The following RAP2A variants were observed in gnomAD, a reference collection of about 807,000 sequenced individuals.
The protein encoded by RAP2A is ras-related protein Rap-2a.
In RAP2A, 5 loss-of-function variants were observed where a neutral mutation model predicts 15.1. That is an observed-to-expected ratio of 0.33 (90% CI 0.17 to 0.70). The LOEUF (loss-of-function observed/expected upper bound fraction) is 0.70. Among genes scored for constraint, RAP2A ranks in the 30% least tolerant of loss-of-function variants. The pLI, the probability that RAP2A is intolerant of heterozygous loss-of-function variation, is 0.68. For missense variants in RAP2A, 111 were observed against 240.3 expected, an observed-to-expected ratio of 0.46 and a Z score of 3.56; for synonymous variants, 110 against 99.7, an observed-to-expected ratio of 1.10 and a Z score of -0.62.
intron 1 of RAP2A, among the ~76,000 whole-genome samples, chr13:97,440,698 T>G (rs985041766): frequency 2.0e-5 from 3 of 152,184 alleles, no homozygotes; most frequent in African/African-American, 7.2e-5. Flanking sequence ...ATTTAATGTG[T>G]ACAACTCAGT....
At chr13:97,444,826 T>C (rs550199693) in intron 1 of RAP2A, among the ~76,000 whole-genome samples, 1 of 152,314 alleles carries the variant, frequency 6.6e-6, no homozygotes, top group South Asian at 2.1e-4. Context: ...ATGACAACAA[T>C]TGTATATTTA....
At chr13:97,447,859 C>A (rs1025227072) in intron 1 of RAP2A, among the ~76,000 whole-genome samples, 1 of 152,176 alleles carries the variant, frequency 6.6e-6, no homozygotes, top group Non-Finnish European at 1.5e-5. Context: ...ATAAAACATT[C>A]ATTGCCCTTG....
chr13:97,468,629 A>G lies in RAP2A; in HGVS notation c.*4187A>G, dbSNP rs2066782764. ...GAGAAGCTTCATTGTTTTAGATTAT[A>G]AGAATAATTTGAATGAATATAACAG... On this transcript the variant is annotated 3_prime_UTR_variant, in exon 2 of 2. Transcript: ENST00000245304. 1 of 152,254 alleles carries G rather than the reference A, an allele frequency of 6.6e-6. No homozygotes were observed. The highest frequency in any genetic ancestry group is 1.5e-5 in the Non-Finnish European group (1 of 68,050). The allele number at this position is 152,254 out of a possible 1,614,324, so 9.4% of individuals were successfully genotyped here. A position where few individuals can be genotyped will look rare whatever the true frequency, so the allele number is the denominator to read the frequency against.
intron 1 of RAP2A, among the ~76,000 whole-genome samples, chr13:97,449,645 C>A (rs982578389): frequency 2.0e-5 from 3 of 152,184 alleles, no homozygotes; most frequent in Admixed American, 6.5e-5. Context: ...ACTCTTCATT[C>A]TCCATTGGCT....
chr13:97,455,093 C>A (rs1181044421), intron 1 of RAP2A, among the ~76,000 whole-genome samples: 2 of 151,202 alleles, frequency 1.3e-5, no homozygotes, highest in African/African-American at 4.9e-5. Flanking sequence ...TGACATAGTT[C>A]TGCTCATTTA....
intron 1 of RAP2A, among the ~76,000 whole-genome samples, chr13:97,449,965 GTT>G (rs897670375): frequency 6.9e-6 from 1 of 144,310 alleles, no homozygotes. Context: ...AGTGTTTGGG[GTT>G]TTTTTTTTTT....
intron 1 of RAP2A, among the ~76,000 whole-genome samples, chr13:97,460,714 T>G (rs1024878120): frequency 6.6e-6 from 1 of 152,144 alleles, no homozygotes; most frequent in East Asian, 1.9e-4. Flanking sequence ...ATCCAGAGCC[T>G]TCTTAGAATG....
chr13:97,464,625 A>G lies in RAP2A; in HGVS notation c.*183A>G. On this transcript the variant is annotated 3_prime_UTR_variant, in exon 2 of 2. Coordinates refer to ENST00000245304, the MANE Select transcript of RAP2A (RefSeq NM_021033.7). ...TGAGTAACATTTGGGTTCAGTAACT[A>G]CAGTTTTCACCATTTGTCCTCAGTC... 3.2e-6 allele frequency: 2 copies of G among 621,678 alleles called. No homozygotes were observed. The highest frequency in any genetic ancestry group is 2.0e-5 in the South Asian group (1 of 49,602). 38.5% of individuals were successfully genotyped at this position (621,678 alleles called of 1,614,324 possible). A position where few individuals can be genotyped will look rare whatever the true frequency, so the allele number is the denominator to read the frequency against.
chr13:97,438,913 A>T (rs566451136), intron 1 of RAP2A, among the ~76,000 whole-genome samples: 1 of 152,328 alleles, frequency 6.6e-6, no homozygotes, highest in African/African-American at 2.4e-5. Context: ...CAGTTTCCCT[A>T]AACATTTTGA....
intron 1 of RAP2A, among the ~76,000 whole-genome samples, chr13:97,435,687 A>C (rs2066631162): frequency 6.6e-6 from 1 of 152,142 alleles, no homozygotes; most frequent in South Asian, 2.1e-4. Flanking sequence ...CACTGAATAT[A>C]TTTTTCCGTG....
At chr13:97,442,932 T>C (rs2066664097) in intron 1 of RAP2A, among the ~76,000 whole-genome samples, 1 of 152,212 alleles carries the variant, frequency 6.6e-6, no homozygotes, top group Non-Finnish European at 1.5e-5. Context: ...CATTTATCTC[T>C]GTTGTGCATA....
intron 1 of RAP2A, chr13:97,437,602 A>G: frequency 6.6e-6 from 1 of 152,348 alleles, no homozygotes; most frequent in South Asian, 2.1e-4. Context: ...TATAAATGTA[A>G]TTTTAGAAGA....
chr13:97,467,015 G>C lies in RAP2A; in HGVS notation c.*2573G>C, dbSNP rs1384355600. On this transcript the variant is annotated 3_prime_UTR_variant, in exon 2 of 2. Transcript: ENST00000245304. ...GTGGCTACAGAAGAAAGTTGACCTTGTGTCACTATTTATTTTATGCCCTGA... is the reference window on the plus strand; with the variant it reads ...GTGGCTACAGAAGAAAGTTGACCTTCTGTCACTATTTATTTTATGCCCTGA... 8.5e-5 allele frequency: 13 copies of C among 152,530 alleles called. No homozygotes were observed. The highest frequency in any genetic ancestry group is 1.2e-4 in the Non-Finnish European group (8 of 68,030). 9.4% of individuals were successfully genotyped at this position (152,530 alleles called of 1,614,324 possible).
At chr13:97,442,687 TCA>T (rs1049973336) in intron 1 of RAP2A, among the ~76,000 whole-genome samples, 2 of 152,190 alleles carry the variant, frequency 1.3e-5, no homozygotes, top group African/African-American at 4.8e-5. Flanking sequence ...ATTGATTTTA[TCA>T]CACATAGCTT....
At chr13:97,455,492 C>T (rs2066719120) in intron 1 of RAP2A, among the ~76,000 whole-genome samples, 1 of 151,548 alleles carries the variant, frequency 6.6e-6, no homozygotes, top group African/African-American at 2.4e-5. Flanking sequence ...GGCCCTGTTA[C>T]AGTCCTCTGT....
chr13:97,465,586 G>C lies in RAP2A; in HGVS notation c.*1144G>C, dbSNP rs1176391365. The C allele has an allele frequency of 6.6e-6, 1 of 152,570 alleles. No individual in the cohort carries two copies. The highest frequency in any genetic ancestry group is 2.4e-5 in the African/African-American group (1 of 41,424). The allele number at this position is 152,570 out of a possible 1,614,324, so 9.5% of individuals were successfully genotyped here. ...ACATAAATTATAGAGTGGAAGGTAA[G>C]GGACAAAAGCCTTTTACCTTTAATT... On this transcript the variant is annotated 3_prime_UTR_variant, in exon 2 of 2. Coordinates refer to ENST00000245304, the MANE Select transcript of RAP2A (RefSeq NM_021033.7).
At chr13:97,457,207 C>T (rs2066726506) in intron 1 of RAP2A, among the ~76,000 whole-genome samples, 1 of 151,562 alleles carries the variant, frequency 6.6e-6, no homozygotes, top group South Asian at 2.1e-4. Flanking sequence ...TTTTCTGGCT[C>T]AAAAGGTATG....
intron 1 of RAP2A, among the ~76,000 whole-genome samples, chr13:97,456,029 G>T (rs1386756417): frequency 2.0e-5 from 3 of 151,380 alleles, no homozygotes; most frequent in Non-Finnish European, 4.4e-5. Context: ...CAGTTCTCTA[G>T]CCAGAAAGAC....
rs1339817529 is a variant in RAP2A at position 97,468,019 on chromosome 13, CTCA to C, written c.*3579_*3581del. The C allele has an allele frequency of 6.6e-6, 1 of 152,082 alleles. No individual in the cohort carries two copies. Among genetic ancestry groups the C allele is most frequent in the African/African-American group, 2.4e-5 (1 of 41,402 alleles). The allele number at this position is 152,082 out of a possible 1,614,324, so 9.4% of individuals were successfully genotyped here. On this transcript the variant is annotated 3_prime_UTR_variant, in exon 2 of 2. Coordinates refer to ENST00000245304, the MANE Select transcript of RAP2A (RefSeq NM_021033.7). ...CTGGATTTGCTTTGTTTTGTACATG[CTCA>C]TGAGAGAAATGTATTATATACAAAA... is the stretch of plus-strand genomic sequence containing the variant.
Sources: gnomAD v4.1 joint callset for allele counts (sites outside exome capture counted in the v4.1 genomes callset) on GRCh38, gnomAD v4.1.1 for gene constraint, MANE v1.5 for transcripts, NCBI Gene and HGNC (gene_info 2026-07-23, HGNC 2026-07-21) for gene names.